KCNK18: variants seen among roughly 807,000 people sequenced by gnomAD.
KCNK18 encodes potassium two pore domain channel subfamily K member 18.
A neutral mutation model predicts 11.8 loss-of-function variants in KCNK18; 8 were observed. The observed-to-expected ratio is 0.68, with a 90% CI of 0.40 to 1.22. The LOEUF is 1.22. Among genes scored for constraint, KCNK18 ranks in the 50% most tolerant of loss-of-function variants. The pLI, the probability that KCNK18 is intolerant of heterozygous loss-of-function variation, is 0.01. For synonymous variants in KCNK18, 208 were observed against 185.8 expected (o/e 1.12, Z -0.97); for missense variants, 442 against 465.4 (o/e 0.95, Z 0.46).
chr10:117,197,782 G>A (rs1854968224), intron 1 of KCNK18, 71 bp downstream of exon 1: 11 of 1,388,478 alleles, frequency 7.9e-6, no homozygotes, highest in Non-Finnish European at 3.0e-6. Context: ...GCAGAGGGCT[G>A]CCTTCTAGGA....
At chr10:117,201,389 C>T in intron 2 of KCNK18, 102 bp downstream of exon 2, 1 of 1,220,624 alleles carries the variant, frequency 8.2e-7, no homozygotes, top group South Asian at 1.2e-5. Context: ...GCCCTCCTCT[C>T]CCTCTCTTCT....
chr10:117,209,336 A>G (rs1855113441), intron 2 of KCNK18, among the ~76,000 whole-genome samples, 161 bp from the exon 3 acceptor site: 1 of 152,192 alleles, frequency 6.6e-6, no homozygotes, highest in South Asian at 2.1e-4. Flanking sequence ...AGCAAGCCTA[A>G]TGCCAGACCA....
At chr10:117,207,205 T>C (rs1343378054) in intron 2 of KCNK18, among the ~76,000 whole-genome samples, 2 of 152,138 alleles carry the variant, frequency 1.3e-5, no homozygotes, top group Non-Finnish European at 2.9e-5. Context: ...ATTTTTGTAT[T>C]TTTAGTAGAG....
At chr10:117,208,967 C>G (rs939628053) in intron 2 of KCNK18, among the ~76,000 whole-genome samples, 6 of 152,158 alleles carry the variant, frequency 3.9e-5, no homozygotes, top group Non-Finnish European at 7.3e-5. Context: ...TCTTGAACTC[C>G]TGACCTCAGG....
chr10:117,198,553 G>A (rs1283842480), intron 1 of KCNK18, among the ~76,000 whole-genome samples: 2 of 152,168 alleles, frequency 1.3e-5, no homozygotes, highest in African/African-American at 2.4e-5. Flanking sequence ...TGTGTTCCTC[G>A]AAGGAAGCTT....
intron 2 of KCNK18, among the ~76,000 whole-genome samples, chr10:117,205,963 T>A (rs180834744): frequency 3.9e-5 from 6 of 151,968 alleles, no homozygotes; most frequent in East Asian, 1.9e-4. Context: ...GGCAAGAGAA[T>A]CTCTTGAACC....
chr10:117,202,883 A>C (rs1306191008), intron 2 of KCNK18, among the ~76,000 whole-genome samples: 1 of 49,832 alleles, frequency 2.0e-5, no homozygotes, highest in Admixed American at 2.3e-4. Context: ...ATTTGCCTGA[A>C]TGCTTTTTTT....
intron 2 of KCNK18, among the ~76,000 whole-genome samples, chr10:117,207,034 G>A (rs907960817): frequency 3.9e-5 from 6 of 152,058 alleles, no homozygotes; most frequent in African/African-American, 1.4e-4. Context: ...GGGTGCCTTT[G>A]TTTGTTTTTG....
Position 117,209,746 on chromosome 10 carries a change from A to T in KCNK18, c.602A>T (p.Gln201Leu). Residue 201 changes from glutamine (Q) to leucine (L), a missense_variant, in exon 3 of 3, where the codon CAG (glutamine) becomes CTG (leucine). By Grantham distance (113) the Gln-to-Leu change is moderately radical (BLOSUM62 -2). Coordinates refer to ENST00000334549, the MANE Select transcript of KCNK18 (RefSeq NM_181840.1). ...AAGCCCGCAGATGAAGCTGTCCCTC[A>T]GATCATCATCAGTGCTGAAGAGCTT... The part of the protein sequence containing the change: ...DPKPADEAVP[Q>L]IIISAEELPG... 1 of 1,614,178 alleles carries T rather than the reference A, an allele frequency of 6.2e-7. No homozygotes were observed. Among genetic ancestry groups the T allele is most frequent in the Non-Finnish European group, 8.5e-7 (1 of 1,180,048 alleles).
chr10:117,200,532 G>A (rs1589965395), intron 1 of KCNK18, among the ~76,000 whole-genome samples: 1 of 152,184 alleles, frequency 6.6e-6, no homozygotes, highest in Non-Finnish European at 1.5e-5. Flanking sequence ...TAGAGGCGGG[G>A]CGCGGTGGCT....
intron 1 of KCNK18, among the ~76,000 whole-genome samples, 193 bp downstream of exon 1, chr10:117,197,904 C>T (rs1346409292): frequency 4.6e-5 from 7 of 152,114 alleles, no homozygotes; most frequent in African/African-American, 1.7e-4. Flanking sequence ...AGACTAACTG[C>T]CTCTCAGGGT....
At chr10:117,198,777 C>T (rs1301847757) in intron 1 of KCNK18, among the ~76,000 whole-genome samples, 2 of 152,314 alleles carry the variant, frequency 1.3e-5, no homozygotes, top group African/African-American at 4.8e-5. Context: ...GCAGAGTCTC[C>T]TGTCTGTGGA....
In KCNK18 at chr10:117,197,534, G is replaced by A; in HGVS notation, c.46G>A (p.Ala16Thr). The A allele has an allele frequency of 6.2e-7, 1 of 1,614,080 alleles. No homozygotes were observed. The highest frequency in any genetic ancestry group is 8.5e-7 in the Non-Finnish European group (1 of 1,180,032). The change falls in exon 1 of 3, where the codon GCC becomes ACC. Residue 16 changes from alanine (A) to threonine (T), a missense_variant. Transcript: ENST00000334549. ...CCAGGCCAGGAGATGCTGCCCAGAG[G>A]CCCTGGGAAAGCTCTTCCCTGGCCT... ...HPQARRCCPE[A>T]LGKLFPGLCF...
chr10:117,197,859 T>C, intron 1 of KCNK18, 148 bp downstream of exon 1: 1 of 704,244 alleles, frequency 1.4e-6, no homozygotes, highest in East Asian at 2.7e-5. Flanking sequence ...AGTAACTTCT[T>C]TCTGAACCTC....
chr10:117,197,672 T>C lies in KCNK18; in HGVS notation c.184T>C (p.Leu62=). ...AADDGEFEKF[L]EELCRILNCS... ...AGATGATGGAGAGTTTGAGAAGTTC[T>C]TGGAGGAGCTCTGCAGAATCTTGAA... The change falls in exon 1 of 3, where the codon TTG becomes CTG. Residue 62 remains leucine, a synonymous_variant. Transcript: ENST00000334549. 2.5e-6 allele frequency: 4 copies of C among 1,614,170 alleles called. No individual in the cohort carries two copies. The highest frequency in any genetic ancestry group is 2.2e-5 in the East Asian group (1 of 44,870).
At position 117,201,185 on chromosome 10, in the gene KCNK18, C is replaced by T. The variant is rs1427554278; in HGVS notation, c.250C>T (p.Gln84Ter). The T allele has an allele frequency of 6.2e-7, 1 of 1,614,048 alleles. No individual in the cohort carries two copies. Among genetic ancestry groups the T allele is most frequent in the African/African-American group, 1.3e-5 (1 of 74,938 alleles). ...GGTGGAAGACAGAAAACAGGATCTC[C>T]AGGGGCATCTGCAGAAGGTGAAGCC... ...TVVEDRKQDL[Q>*]GHLQKVKPQW... The change falls in exon 2 of 3, where the codon CAG (glutamine) becomes TAG (stop). Residue 84 changes from glutamine (Q) to a stop codon, truncating the protein, a stop_gained. Transcript: ENST00000334549. LOFTEE classifies it high-confidence loss of function.
chr10:117,206,148 T>G (rs959869673), intron 2 of KCNK18, among the ~76,000 whole-genome samples: 46 of 152,274 alleles, frequency 3.0e-4, no homozygotes, highest in Middle Eastern at 3.4e-3. Flanking sequence ...AGAAATTTAT[T>G]CTGTCACAAT....
At chr10:117,203,358 A>C (rs567162245) in intron 2 of KCNK18, among the ~76,000 whole-genome samples, 4 of 152,252 alleles carry the variant, frequency 2.6e-5, no homozygotes, top group African/African-American at 9.6e-5. Flanking sequence ...CACAGGCTCT[A>C]AGAGGGAATC....
At position 117,197,606 on chromosome 10, in the gene KCNK18, G is replaced by T; in HGVS notation, c.118G>T (p.Val40Phe). The change falls in exon 1 of 3, where the codon GTC becomes TTC. Residue 40 changes from valine (V) to phenylalanine (F), a missense_variant. Coordinates refer to ENST00000334549, the MANE Select transcript of KCNK18 (RefSeq NM_181840.1). Reference protein sequence around the residue: ...LVTYALVGAVVFSAIEDGQVL... With the variant: ...LVTYALVGAVFFSAIEDGQVL... ...GACCTACGCCCTGGTGGGTGCTGTG[G>T]TCTTCTCTGCCATTGAGGACGGCCA... 6.2e-7 allele frequency: 1 copy of T among 1,614,146 alleles called. No homozygotes were observed. Among genetic ancestry groups the T allele is most frequent in the Non-Finnish European group, 8.5e-7 (1 of 1,179,970 alleles).
Sources: gnomAD v4.1 joint callset for allele counts (sites outside exome capture counted in the v4.1 genomes callset) on GRCh38, gnomAD v4.1.1 for gene constraint, MANE v1.5 for transcripts, NCBI Gene and HGNC (gene_info 2026-07-23, HGNC 2026-07-21) for gene names.